Variants in ZNG1B observed in about 807,000 individuals in gnomAD.
ZNG1B encodes the protein zinc-regulated GTPase metalloprotein activator 1B.
At chr2:113,456,743 T>G in the ZNG1B span, among the ~76,000 whole-genome samples, 1 of 152,234 alleles carries the variant, frequency 6.6e-6, no homozygotes, top group Non-Finnish European at 1.5e-5. Context: ...TTAGATTTTC[T>G]AAGTCGGATG....
the ZNG1B span, among the ~76,000 whole-genome samples, chr2:113,450,676 C>G: frequency 7.2e-6 from 1 of 139,608 alleles, no homozygotes; most frequent in African/African-American, 2.8e-5. Context: ...TGTGTTCTTT[C>G]TTGCTTTTTG....
the ZNG1B span, among the ~76,000 whole-genome samples, chr2:113,456,350 A>G: frequency 6.6e-6 from 1 of 151,976 alleles, no homozygotes; most frequent in Non-Finnish European, 1.5e-5. Context: ...GCCCCAAATT[A>G]TTCATTTTGA....
the ZNG1B span, chr2:113,462,783 T>A: frequency 2.0e-6 from 1 of 491,214 alleles, no homozygotes. Context: ...CTAATGTCAA[T>A]CTTCCCTAAC....
the ZNG1B span, among the ~76,000 whole-genome samples, chr2:113,446,687 C>T: frequency 2.6e-5 from 4 of 151,150 alleles, no homozygotes; most frequent in African/African-American, 7.3e-5. Context: ...GCGGAGGTTG[C>T]GGTGAGCCGA....
chr2:113,448,744 A>T, the ZNG1B span, among the ~76,000 whole-genome samples: 50 of 152,108 alleles, frequency 3.3e-4, no homozygotes, highest in African/African-American at 1.2e-3. Context: ...CTCGGCTAAA[A>T]ATACCAAAAA....
At chr2:113,448,671 G>A in the ZNG1B span, among the ~76,000 whole-genome samples, 6 of 152,238 alleles carry the variant, frequency 3.9e-5, no homozygotes, top group South Asian at 1.0e-3. Flanking sequence ...TTGGGAGGCC[G>A]AGGTGGGCAG....
chr2:113,438,333 C>A, the ZNG1B span, among the ~76,000 whole-genome samples: 1 of 152,152 alleles, frequency 6.6e-6, no homozygotes, highest in Non-Finnish European at 1.5e-5. Flanking sequence ...TCTTACCTTC[C>A]TGACGCTCAT....
At chr2:113,474,707 T>G in the ZNG1B span, among the ~76,000 whole-genome samples, 1 of 151,188 alleles carries the variant, frequency 6.6e-6, no homozygotes, top group Non-Finnish European at 1.5e-5. Context: ...CTCGTTGGTT[T>G]CAAAGAACAT....
the ZNG1B span, among the ~76,000 whole-genome samples, chr2:113,458,130 A>T: frequency 2.6e-5 from 4 of 151,580 alleles, no homozygotes; most frequent in Non-Finnish European, 5.9e-5. Flanking sequence ...TCATTTACTT[A>T]TACAGGTGGA....
At chr2:113,471,751 C>T in the ZNG1B span, among the ~76,000 whole-genome samples, 4 of 150,758 alleles carry the variant, frequency 2.7e-5, no homozygotes, top group South Asian at 2.1e-4. Flanking sequence ...TTTGTTCTTG[C>T]GATAGTTTAT....
the ZNG1B span, among the ~76,000 whole-genome samples, chr2:113,475,474 A>C: frequency 6.7e-6 from 1 of 149,856 alleles, no homozygotes; most frequent in South Asian, 2.1e-4. Context: ...TAATTGGAGC[A>C]TTTAGTCCAT....
At chr2:113,471,221 A>C in the ZNG1B span, 1 of 1,414,192 alleles carries the variant, frequency 7.1e-7, no homozygotes, top group Non-Finnish European at 9.7e-7. Context: ...GACCATACTT[A>C]ATGAGGTATA....
chr2:113,459,913 A>G, the ZNG1B span, among the ~76,000 whole-genome samples: 3 of 147,236 alleles, frequency 2.0e-5, no homozygotes, highest in Non-Finnish European at 3.0e-5. Flanking sequence ...GAAAAAAAAA[A>G]CAGACAACAA....
chr2:113,439,908 G>A, the ZNG1B span, among the ~76,000 whole-genome samples: 1 of 101,102 alleles, frequency 9.9e-6, no homozygotes, highest in African/African-American at 3.9e-5. Context: ...TTTTTGAGAC[G>A]GAGTCTCGCT....
At chr2:113,475,381 G>T in the ZNG1B span, among the ~76,000 whole-genome samples, 1 of 152,078 alleles carries the variant, frequency 6.6e-6, no homozygotes, top group East Asian at 1.9e-4. Context: ...GCCTATGTGT[G>T]TCTCTGCACG....
the ZNG1B span, among the ~76,000 whole-genome samples, chr2:113,461,133 G>A: frequency 7.3e-5 from 11 of 150,150 alleles, no homozygotes; most frequent in Non-Finnish European, 1.3e-4. Flanking sequence ...TGCAACCTCC[G>A]CCTCCCAGGT....
At chr2:113,440,715 A>G in the ZNG1B span, among the ~76,000 whole-genome samples, 3 of 148,820 alleles carry the variant, frequency 2.0e-5, no homozygotes, top group Non-Finnish European at 3.0e-5. Context: ...AAACAAACCA[A>G]ATGTCCAACA....
chr2:113,479,956 G>A, the ZNG1B span, among the ~76,000 whole-genome samples: 2 of 151,718 alleles, frequency 1.3e-5, no homozygotes, highest in Non-Finnish European at 2.9e-5. Flanking sequence ...TGAGTAGCTG[G>A]GACTATAGGC....
At chr2:113,455,808 C>T in the ZNG1B span, among the ~76,000 whole-genome samples, 1 of 128,780 alleles carries the variant, frequency 7.8e-6, no homozygotes, top group African/African-American at 2.9e-5. Context: ...GCAACCTCCA[C>T]CTCCCAGGTT....
Sources: allele counts gnomAD v4.1 joint callset (sites outside exome capture counted in the v4.1 genomes callset), GRCh38; gene constraint gnomAD v4.1.1; transcripts MANE v1.5; gene names NCBI Gene and HGNC (gene_info 2026-07-23, HGNC 2026-07-21).